The following TENM1 variants were observed in gnomAD, a reference collection of about 807,000 sequenced individuals.
TENM1 encodes teneurin-1.
A neutral mutation model predicts 174.8 loss-of-function variants in TENM1; 35 were observed. The ratio of observed to expected loss-of-function variants is 0.20; its 90% CI spans 0.15 to 0.27. The LOEUF is 0.27. TENM1 is among the 10% of genes least tolerant of loss of function. The pLI is 1.00. For missense variants in TENM1, 1,633 were observed against 2,130.1 expected, an observed-to-expected ratio of 0.77 and a Z score of 4.59; for synonymous variants, 781 against 798.7, an observed-to-expected ratio of 0.98 and a Z score of 0.37.
intron 21 of TENM1, among the ~76,000 whole-genome samples, chrX:124,482,618 A>G (rs2046869695): frequency 8.9e-6 from 1 of 111,798 alleles, no homozygotes; most frequent in South Asian, 3.7e-4. Context: ...ACCTTTTTAA[A>G]GTTATAATGG....
At chrX:125,084,238 A>C in the TENM1 span, among the ~76,000 whole-genome samples, 1 of 110,088 alleles carries the variant, frequency 9.1e-6, no homozygotes. Context: ...TCACACCTCA[A>C]CCAGCCATCC....
In TENM1 at chrX:124,945,160, C is replaced by T. The variant is rs140595274; in HGVS notation, c.217+18377G>A. On this transcript the variant is annotated intron_variant, in intron 1 of 31. Coordinates refer to ENST00000422452, the Ensembl canonical transcript of TENM1. ...TAAGAACCTGCATCAGGCAAGAGAC[C>T]GAGCCAGGTCCCTATCCAGGTAGAT... Among the ~76,000 whole-genome samples the T allele has an allele frequency of 2.1e-3, 234 of 111,674 alleles. 1 individual carries two copies. Among genetic ancestry groups the T allele is most frequent in the African/African-American group, 7.2e-3 (222 of 30,735 alleles).
intron 4 of TENM1, among the ~76,000 whole-genome samples, chrX:124,712,847 G>A (rs933171944): frequency 9.0e-6 from 1 of 111,695 alleles, no homozygotes; most frequent in Non-Finnish European, 1.9e-5. Flanking sequence ...CTATTCATAG[G>A]TATTTATTCT....
chrX:125,168,891 T>C, the TENM1 span, among the ~76,000 whole-genome samples: 2 of 111,250 alleles, frequency 1.8e-5, no homozygotes, highest in African/African-American at 6.5e-5. Context: ...ACTTTTGACT[T>C]AAAGAAACTG....
the TENM1 span, among the ~76,000 whole-genome samples, chrX:125,110,616 GAC>G: frequency 9.1e-6 from 1 of 109,343 alleles, no homozygotes; most frequent in Non-Finnish European, 1.9e-5. Context: ...GGTCCTCACT[GAC>G]AGCATAAGTC....
intron 1 of TENM1, among the ~76,000 whole-genome samples, chrX:124,917,911 A>C (rs780296154): frequency 6.6e-4 from 74 of 112,296 alleles, no homozygotes; most frequent in Non-Finnish European, 1.1e-3. Context: ...ATAGGCTTAG[A>C]ATTCTCTACG....
At chrX:124,491,883 T>C (rs982197546) in intron 20 of TENM1, among the ~76,000 whole-genome samples, 8 of 111,638 alleles carry the variant, frequency 7.2e-5, no homozygotes, top group African/African-American at 2.6e-4. Flanking sequence ...CAAAAGGATC[T>C]AGAAGGGCAT....
intron 4 of TENM1, among the ~76,000 whole-genome samples, chrX:124,731,328 A>C (rs2053560545): frequency 8.9e-6 from 1 of 112,086 alleles, no homozygotes; most frequent in Non-Finnish European, 1.9e-5. Context: ...ATGATGATAG[A>C]CTTGAAATGG....
chrX:124,971,985 A>G, the TENM1 span, among the ~76,000 whole-genome samples: 1 of 111,224 alleles, frequency 9.0e-6, no homozygotes, highest in Admixed American at 9.6e-5. Flanking sequence ...CTGTAATCCC[A>G]GCACTTTGAG....
chrX:125,074,324 C>A, the TENM1 span, among the ~76,000 whole-genome samples: 1 of 109,184 alleles, frequency 9.2e-6, no homozygotes, highest in South Asian at 4.1e-4. Flanking sequence ...CCCAGGTTGG[C>A]CACTCTGGGT....
chrX:125,006,492 C>G, the TENM1 span, among the ~76,000 whole-genome samples: 12 of 111,874 alleles, frequency 1.1e-4, no homozygotes, highest in Non-Finnish European at 2.1e-4. Flanking sequence ...CTGATCCTGA[C>G]AAGGGGGATT....
At chrX:124,603,571 C>T (rs961548359) in intron 11 of TENM1, among the ~76,000 whole-genome samples, 2 of 111,690 alleles carry the variant, frequency 1.8e-5, no homozygotes, top group East Asian at 5.6e-4. Flanking sequence ...GGATTTGAAC[C>T]CACACAGCCT....
intron 3 of TENM1, among the ~76,000 whole-genome samples, chrX:124,889,666 G>A (rs1411236351): frequency 1.8e-5 from 2 of 110,348 alleles, no homozygotes; most frequent in African/African-American, 6.6e-5. Flanking sequence ...ATATATTTAT[G>A]GGGTACATGA....
chrX:124,496,907 T>C, intron 20 of TENM1, 109 bp downstream of exon 23: 1 of 811,388 alleles, frequency 1.2e-6, no homozygotes, highest in Non-Finnish European at 1.8e-6. Flanking sequence ...AGTGCTACAA[T>C]AGGGGCAACT....
At chrX:124,399,649 T>C (rs1302914156) in intron 27 of TENM1, among the ~76,000 whole-genome samples, 1 of 112,027 alleles carries the variant, frequency 8.9e-6, no homozygotes, top group Non-Finnish European at 1.9e-5. Context: ...TCTTTCTAGT[T>C]ATCTTAGTGA....
chrX:124,743,713 T>G (rs10442519), intron 3 of TENM1, among the ~76,000 whole-genome samples: 1 of 111,709 alleles, frequency 9.0e-6, no homozygotes, highest in Non-Finnish European at 1.9e-5. Context: ...AGGTAAGATA[T>G]AGTATGCTGT....
rs146911135 is a variant in TENM1, at chrX:124,888,120, G to A, written c.535+6176C>T. 2.5e-3 allele frequency among the ~76,000 whole-genome samples: 275 copies of A among 111,360 alleles called. 1 individual carries two copies. Among genetic ancestry groups the A allele is most frequent in the African/African-American group, 4.9e-3 (150 of 30,693 alleles). On this transcript the variant is annotated intron_variant, in intron 3 of 31. Coordinates refer to ENST00000422452, the Ensembl canonical transcript of TENM1. ...TAGCCATTTTTTTCACAACTCCAGC[G>A]GTTTCCTTGAATGAATTTAGGGTCT...
intron 11 of TENM1, among the ~76,000 whole-genome samples, chrX:124,586,498 T>C (rs762841747): frequency 2.7e-5 from 3 of 111,580 alleles, no homozygotes; most frequent in East Asian, 5.7e-4. Context: ...CGCTTCATGC[T>C]AAAATCTCTC....
intron 16 of TENM1, among the ~76,000 whole-genome samples, chrX:124,527,418 C>T (rs190572472): frequency 2.6e-3 from 285 of 111,213 alleles, no homozygotes; most frequent in African/African-American, 8.8e-3. Flanking sequence ...AATATTTCTA[C>T]ATCCCACATG....
Sources: gnomAD v4.1 joint callset for allele counts (sites outside exome capture counted in the v4.1 genomes callset) on GRCh38, gnomAD v4.1.1 for gene constraint, MANE v1.5 for transcripts, NCBI Gene and HGNC (gene_info 2026-07-23, HGNC 2026-07-21) for gene names.